SBF2: variants seen among roughly 807,000 people sequenced by gnomAD.
SBF2 encodes the protein SET binding factor 2, also known as myotubularin-related protein 13.
SBF2 carries 112 observed loss-of-function variants against 225.2 expected under a neutral mutation model. The observed-to-expected ratio is 0.50, with a 90% CI of 0.43 to 0.58. SBF2 has a LOEUF of 0.58. Ranked by LOEUF, SBF2 falls within the 20% of genes least tolerant of loss-of-function variation. The probability of loss-of-function intolerance (pLI) is 0.00; values close to 1 mark genes in which losing one functional copy is unlikely to be tolerated. For synonymous variants in SBF2, 763 were observed against 773.3 expected, an observed-to-expected ratio of 0.99 and a Z score of 0.22; for missense variants, 1,996 against 2,206.2, an observed-to-expected ratio of 0.90 and a Z score of 1.91.
intron 16 of SBF2, chr11:9,928,900 TGATGTTA>T (rs1234226094): frequency 5.3e-6 from 2 of 380,916 alleles, no homozygotes; most frequent in East Asian, 1.5e-4. Context: ...ACTATGAAAA[TGATGTTA>T]GATAAAAATT....
chr11:9,783,461 G>T (rs1852166759), intron 38 of SBF2, among the ~76,000 whole-genome samples: 1 of 152,184 alleles, frequency 6.6e-6, no homozygotes, highest in South Asian at 2.1e-4. Context: ...AATGCATTGA[G>T]AATCAAAATG....
At chr11:10,045,669 C>T (rs926724118) in intron 2 of SBF2, among the ~76,000 whole-genome samples, 1 of 152,104 alleles carries the variant, frequency 6.6e-6, no homozygotes, top group Non-Finnish European at 1.5e-5. Context: ...AAAGGATAAT[C>T]AATGAATATT....
At chr11:9,813,212 G>A (rs939269188) in intron 29 of SBF2, among the ~76,000 whole-genome samples, 11 of 152,138 alleles carry the variant, frequency 7.2e-5, no homozygotes, top group African/African-American at 2.7e-4. Context: ...GCACATATTT[G>A]TTTCTTATTA....
intron 2 of SBF2, among the ~76,000 whole-genome samples, chr11:10,174,870 GA>G (rs1300301224): frequency 6.6e-6 from 1 of 150,914 alleles, no homozygotes; most frequent in African/African-American, 2.5e-5. Flanking sequence ...CATTCTTAAA[GA>G]AAAGAATTTT....
intron 2 of SBF2, among the ~76,000 whole-genome samples, chr11:10,165,792 A>G (rs1380521958): frequency 1.3e-5 from 2 of 152,254 alleles, no homozygotes; most frequent in African/African-American, 4.8e-5. Context: ...ACATCCATAC[A>G]TATTAGGACC....
intron 16 of SBF2, among the ~76,000 whole-genome samples, chr11:9,934,312 A>T (rs1864723080): frequency 6.6e-6 from 1 of 152,198 alleles, no homozygotes. Context: ...TGAGGCAATA[A>T]TAGCCTACCA....
chr11:9,992,988 A>G lies in SBF2; in HGVS notation c.1167+2T>C, dbSNP rs758659564. ...CAGATACAATATAGTACTCTATCTT[A>G]CCTTGTGGAAATGTATTACTGGCTC... On this transcript the variant is annotated splice_donor_variant, in intron 11 of 39. Coordinates refer to ENST00000256190, the MANE Select transcript of SBF2 (RefSeq NM_030962.4). LOFTEE classifies it high-confidence loss of function. The G allele has an allele frequency of 6.3e-7, 1 of 1,586,726 alleles. No homozygotes were observed. Among genetic ancestry groups the G allele is most frequent in the Non-Finnish European group, 8.6e-7 (1 of 1,156,960 alleles).
intron 1 of SBF2, among the ~76,000 whole-genome samples, chr11:10,194,773 A>C (rs2135333417): frequency 1.3e-5 from 2 of 152,198 alleles, no homozygotes; most frequent in Middle Eastern, 3.4e-3. Context: ...GGCCTCCCAA[A>C]GTGCTGGGAT....
intron 14 of SBF2, among the ~76,000 whole-genome samples, chr11:9,965,531 G>A (rs1267650728): frequency 6.6e-6 from 1 of 152,018 alleles, no homozygotes; most frequent in Non-Finnish European, 1.5e-5. Flanking sequence ...CAGGTGATAC[G>A]CCGACCTCGG....
chr11:9,961,394 C>T (rs187309033), intron 16 of SBF2: 4 of 152,514 alleles, frequency 2.6e-5, no homozygotes, highest in African/African-American at 9.6e-5. Flanking sequence ...ATGTCATAGA[C>T]TCTCTAACAA....
At chr11:10,003,608 A>C (rs1590730222) in intron 6 of SBF2, among the ~76,000 whole-genome samples, 1 of 151,880 alleles carries the variant, frequency 6.6e-6, no homozygotes, top group Non-Finnish European at 1.5e-5. Context: ...ACTTGGTGAT[A>C]CACCTGCCTC....
intron 2 of SBF2, among the ~76,000 whole-genome samples, chr11:10,160,675 T>C (rs1725047543): frequency 6.6e-6 from 1 of 152,152 alleles, no homozygotes; most frequent in African/African-American, 2.4e-5. Context: ...AAAAAAGTTG[T>C]TTTGAAAATG....
intron 2 of SBF2, among the ~76,000 whole-genome samples, chr11:10,076,081 G>A (rs1017774597): frequency 6.6e-6 from 1 of 152,208 alleles, no homozygotes; most frequent in African/African-American, 2.4e-5. Flanking sequence ...TGGGCATTAG[G>A]CTACGCTGTG....
chr11:10,272,550 A>C (rs1335671970), intron 1 of SBF2, among the ~76,000 whole-genome samples: 1 of 151,806 alleles, frequency 6.6e-6, no homozygotes, highest in African/African-American at 2.4e-5. Context: ...AGCACTACCA[A>C]AGTGCGAACT....
intron 34 of SBF2, 78 bp from the exon 35 acceptor site, chr11:9,789,420 T>C (rs1033054656): frequency 2.1e-6 from 2 of 974,808 alleles, no homozygotes; most frequent in African/African-American, 3.2e-5. Context: ...ACCCCTAACA[T>C]TTATAGAGTC....
chr11:9,985,615 G>T (rs992671507), intron 13 of SBF2, among the ~76,000 whole-genome samples: 1 of 152,110 alleles, frequency 6.6e-6, no homozygotes, highest in African/African-American at 2.4e-5. Flanking sequence ...GCGACACCAC[G>T]CCTGGCTGGG....
chr11:10,222,706 C>T (rs1055377152), intron 1 of SBF2, among the ~76,000 whole-genome samples: 3 of 152,264 alleles, frequency 2.0e-5, no homozygotes, highest in African/African-American at 7.2e-5. Flanking sequence ...AAGAGAGCAT[C>T]GGATATGTCT....
At chr11:10,027,315 C>A (rs1219454744) in intron 6 of SBF2, among the ~76,000 whole-genome samples, 1 of 152,160 alleles carries the variant, frequency 6.6e-6, no homozygotes. Flanking sequence ...CATTTTAATT[C>A]AGATATTAGA....
chr11:9,969,271 A>C (rs917767692), intron 13 of SBF2, among the ~76,000 whole-genome samples: 1 of 152,196 alleles, frequency 6.6e-6, no homozygotes, highest in Non-Finnish European at 1.5e-5. Flanking sequence ...ACTTTGGTTC[A>C]AGTCAACACC....
Sources: gnomAD v4.1 joint callset for allele counts (sites outside exome capture counted in the v4.1 genomes callset) on GRCh38, gnomAD v4.1.1 for gene constraint, MANE v1.5 for transcripts, NCBI Gene and HGNC (gene_info 2026-07-23, HGNC 2026-07-21) for gene names.